Variants in FLACC1 observed in about 807,000 individuals in gnomAD.
FLACC1 encodes flagellum associated containing coiled-coil domains 1, also known as flagellum-associated coiled-coil domain-containing protein 1.
FLACC1 carries 66 observed loss-of-function variants against 62.8 expected under a neutral mutation model. The observed-to-expected ratio is 1.05, with a 90% CI of 0.86 to 1.29. The LOEUF is 1.29. FLACC1 is among the 50% of genes most tolerant of loss of function. FLACC1 has a pLI of 0.00. For missense variants in FLACC1, 452 were observed against 489.1 expected (o/e 0.92, Z 0.71); for synonymous variants, 156 against 161.0 (o/e 0.97, Z 0.24).
rs376373468 is a variant in FLACC1 at position 201,319,471 on chromosome 2, T to A, written c.676-10221A>T. On this transcript the variant is annotated intron_variant, in intron 9 of 14. Coordinates refer to ENST00000392257, the MANE Select transcript of FLACC1 (RefSeq NM_001127391.3). ...CCTTGGGAAAGAATTTATGACTAAG[T>A]CCTCAAAAGCAACTGCAACAAAAAC... Among the ~76,000 whole-genome samples the A allele has an allele frequency of 9.9e-5, 15 of 152,040 alleles. No homozygotes were observed. In the South Asian group the frequency reaches 3.1e-3, roughly 32 times the overall value.
chr2:201,297,956 G>A (rs1949900663), intron 12 of FLACC1, among the ~76,000 whole-genome samples: 1 of 152,188 alleles, frequency 6.6e-6, no homozygotes, highest in African/African-American at 2.4e-5. Context: ...TTCAGGAAGA[G>A]AGAACATCAA....
At chr2:201,293,236 A>G (rs1205591316) in intron 12 of FLACC1, among the ~76,000 whole-genome samples, 1 of 152,218 alleles carries the variant, frequency 6.6e-6, no homozygotes, top group African/African-American at 2.4e-5. Flanking sequence ...TCAGCACCAC[A>G]TCGCACATAT....
At chr2:201,354,950 A>T (rs1280652877) in intron 1 of FLACC1, among the ~76,000 whole-genome samples, 3 of 152,170 alleles carry the variant, frequency 2.0e-5, no homozygotes, top group African/African-American at 7.2e-5. Context: ...TAGTAAACTT[A>T]GTGGTTGTAA....
chr2:201,331,082 C>A (rs1485372365), intron 7 of FLACC1, among the ~76,000 whole-genome samples: 6 of 151,772 alleles, frequency 4.0e-5, no homozygotes, highest in African/African-American at 1.5e-4. Context: ...GATCTTCCCA[C>A]CTTAACCTCC....
At chr2:201,296,736 G>A (rs906011493) in intron 12 of FLACC1, among the ~76,000 whole-genome samples, 1 of 152,156 alleles carries the variant, frequency 6.6e-6, no homozygotes, top group African/African-American at 2.4e-5. Context: ...GAGATAGTAA[G>A]GATAGAGGGC....
chr2:201,346,763 T>C lies in FLACC1; in HGVS notation c.235-88A>G. On this transcript the variant is annotated intron_variant, in intron 4 of 14. Transcript: ENST00000392257. The surrounding 1 kb of genome is among the most constrained non-coding windows in gnomAD (Gnocchi z 4.0). ...TTCTCTTATTGCCTCACTCACATCT[T>C]AAAAACAGGGACCTGGGACTCCACA... is the stretch of plus-strand genomic sequence containing the variant. 6.5e-7 allele frequency: 1 copy of C among 1,546,968 alleles called. No homozygotes were observed. Among genetic ancestry groups the C allele is most frequent in the East Asian group, 2.2e-5 (1 of 44,466 alleles).
At chr2:201,329,747 A>C (rs1225242494) in intron 9 of FLACC1, among the ~76,000 whole-genome samples, 2 of 152,128 alleles carry the variant, frequency 1.3e-5, no homozygotes, top group African/African-American at 2.4e-5. Flanking sequence ...GGGAGAGAGG[A>C]AGAGGGGGAA....
At chr2:201,350,593 A>G (rs551716902) in intron 3 of FLACC1, 118 bp downstream of exon 3, 25 of 809,234 alleles carry the variant, frequency 3.1e-5, no homozygotes, top group Non-Finnish European at 3.9e-6. Context: ...AGGCAGGAGA[A>G]TCGCTTGAGA....
At chr2:201,309,297 G>A (rs753876807) in intron 9 of FLACC1, 47 bp from the exon 10 acceptor site, 1 of 1,451,420 alleles carries the variant, frequency 6.9e-7, no homozygotes, top group Non-Finnish European at 9.7e-7. Flanking sequence ...CTAAAATGAA[G>A]GTGACCTGGA....
At chr2:201,327,776 A>T (rs149037204) in intron 9 of FLACC1, among the ~76,000 whole-genome samples, 6 of 152,306 alleles carry the variant, frequency 3.9e-5, no homozygotes, top group African/African-American at 1.2e-4. Flanking sequence ...CTAAAAGTAG[A>T]TTTACCATTC....
chr2:201,343,934 G>T (rs984536994), intron 6 of FLACC1, among the ~76,000 whole-genome samples: 1 of 152,192 alleles, frequency 6.6e-6, no homozygotes, highest in Non-Finnish European at 1.5e-5. Flanking sequence ...GGTACTTGGA[G>T]AGCTCCTGGA....
intron 5 of FLACC1, among the ~76,000 whole-genome samples, chr2:201,344,659 C>A (rs1950878296): frequency 6.6e-6 from 1 of 152,156 alleles, no homozygotes; most frequent in Non-Finnish European, 1.5e-5. Flanking sequence ...TTGATGCTGG[C>A]TGTGAACCAC....
intron 13 of FLACC1, 57 bp from the exon 14 acceptor site, chr2:201,289,623 A>G (rs1949683643): frequency 6.2e-7 from 1 of 1,611,474 alleles, no homozygotes; most frequent in Non-Finnish European, 8.5e-7. Context: ...TCCAGGGCAG[A>G]GCTATATGGC....
Position 201,319,144 on chromosome 2 carries a change from TA to T in FLACC1, c.676-9895del, listed in dbSNP as rs567569430. ...GGCTACAGTAACCAAAACAGCTTGG[TA>T]CTGATACAAAAACAGACACATAGAT... On this transcript the variant is annotated intron_variant, in intron 9 of 14. Coordinates refer to ENST00000392257, the MANE Select transcript of FLACC1 (RefSeq NM_001127391.3). Among the ~76,000 whole-genome samples the T allele has an allele frequency of 5.3e-5, 8 of 152,294 alleles. No homozygotes were observed. In the South Asian group the frequency reaches 1.7e-3, roughly 32 times the overall value.
chr2:201,340,474 C>T (rs10185177), intron 7 of FLACC1, among the ~76,000 whole-genome samples: 32,203 of 152,086 alleles, frequency 0.21, 5,424 homozygotes, highest in African/African-American at 0.46. Flanking sequence ...TTCAAGCTGA[C>T]AACAAGTTTA....
chr2:201,292,002 G>A (rs919493746), intron 12 of FLACC1, among the ~76,000 whole-genome samples: 4 of 152,162 alleles, frequency 2.6e-5, no homozygotes, highest in African/African-American at 9.7e-5. Context: ...AATGAACAAA[G>A]CCTCCAAGAA....
upstream of FLACC1, among the ~76,000 whole-genome samples, chr2:201,360,192 G>C (rs1348934489): frequency 1.3e-5 from 2 of 152,204 alleles, no homozygotes; most frequent in Non-Finnish European, 2.9e-5. Flanking sequence ...CTCTTCTCTT[G>C]GATGAAATTG....
At chr2:201,328,359 C>A (rs1950533964) in intron 9 of FLACC1, among the ~76,000 whole-genome samples, 1 of 151,908 alleles carries the variant, frequency 6.6e-6, no homozygotes, top group Admixed American at 6.6e-5. Flanking sequence ...GAACAATTTT[C>A]TTTTCTTTTA....
rs1462591449 is a variant in FLACC1, at chr2:201,326,584, TA to T, written c.675+3885del. On this transcript the variant is annotated intron_variant, in intron 9 of 14. Transcript: ENST00000392257. The surrounding 1 kb of genome is among the most constrained non-coding windows in gnomAD (Gnocchi z 4.1). ...CCCTTTTACAACAGCTACAAAAAAA[TA>T]AAATACTTAGGAATGTACTTAACCA... Among the ~76,000 whole-genome samples, 5 of 151,960 alleles carry T rather than the reference TA, an allele frequency of 3.3e-5. No homozygotes were observed. The highest frequency in any genetic ancestry group is 1.2e-4 in the African/African-American group (5 of 41,396).
Sources: allele counts gnomAD v4.1 joint callset (sites outside exome capture counted in the v4.1 genomes callset), GRCh38; gene constraint gnomAD v4.1.1; non-coding constraint Gnocchi (gnomAD v3.1); transcripts MANE v1.5; gene names NCBI Gene and HGNC (gene_info 2026-07-23, HGNC 2026-07-21).